Variants in CCNH observed in about 807,000 individuals in gnomAD.
CCNH encodes the protein cyclin-H.
Under a neutral mutation model 41.9 loss-of-function variants are expected in CCNH, and 31 were observed. That is an observed-to-expected ratio of 0.74 (90% confidence interval 0.56 to 1.00). The LOEUF is 1.00. Ranked by LOEUF, CCNH falls within the 50% of genes least tolerant of loss-of-function variation. The pLI is 0.00. For missense variants in CCNH, 362 were observed against 388.4 expected (o/e 0.93, Z 0.57); for synonymous variants, 138 against 136.1 (o/e 1.01, Z -0.10).
At chr5:87,379,843 C>T (rs760491651), upstream of CCNH, 3 of 1,612,336 alleles carry the variant, frequency 1.9e-6, no homozygotes, top group Non-Finnish European at 2.5e-6. Flanking sequence ...TTCAGAAATA[C>T]TTCCACCGTA....
At chr5:87,403,933 G>C (rs191191794) in intron 5 of CCNH, among the ~76,000 whole-genome samples, 1 of 152,272 alleles carries the variant, frequency 6.6e-6, no homozygotes, top group African/African-American at 2.4e-5. Context: ...GTACATAGAA[G>C]GTATCTAATA....
At chr5:87,393,077 AAAAAAAAAACCCAC>A (rs1561338769), downstream of CCNH, among the ~76,000 whole-genome samples, 1 of 151,952 alleles carries the variant, frequency 6.6e-6, no homozygotes. Context: ...GGAATGAGAA[AAAAAAAAAACCCAC>A]AAAACTCAAG....
intron 9 of CCNH, among the ~76,000 whole-genome samples, chr5:87,351,670 T>C (rs1759288567): frequency 6.6e-6 from 1 of 151,948 alleles, no homozygotes; most frequent in Non-Finnish European, 1.5e-5. Flanking sequence ...TAGAAAATTC[T>C]GGTTTATCTC....
At chr5:87,338,501 TTATATATATATATATA>T (rs3069490) in intron 9 of CCNH, among the ~76,000 whole-genome samples, 34 of 75,670 alleles carry the variant, frequency 4.5e-4, no homozygotes, top group African/African-American at 1.6e-3. Flanking sequence ...CCAGCTAATT[TTATATATATATATATA>T]TATATATATA....
downstream of CCNH, chr5:87,389,357 T>G (rs1443981878): frequency 1.2e-6 from 2 of 1,612,814 alleles, no homozygotes; most frequent in Non-Finnish European, 1.7e-6. Flanking sequence ...AAAGAAGATT[T>G]GTATTTCTAA....
chr5:87,362,385 A>C (rs1307529228), intron 9 of CCNH, among the ~76,000 whole-genome samples: 17 of 152,180 alleles, frequency 1.1e-4, no homozygotes, highest in Non-Finnish European at 4.4e-5. Context: ...AATTATAAGG[A>C]AGCATTTCTG....
intron 6 of CCNH, 42 bp from the exon 7 acceptor site, chr5:87,399,547 C>A: frequency 7.7e-7 from 1 of 1,297,382 alleles, no homozygotes. Context: ...AATAAGCAAA[C>A]CTCCTTCTCA....
At chr5:87,372,619 TTAATC>T (rs1192754479), downstream of CCNH, among the ~76,000 whole-genome samples, 2 of 152,176 alleles carry the variant, frequency 1.3e-5, no homozygotes, top group African/African-American at 4.8e-5. Flanking sequence ...TAGGAAATAT[TTAATC>T]TTATTTGAAA....
exon 1 of CCNH, chr5:87,377,079 G>A (rs928584222): frequency 1.3e-6 from 2 of 1,582,890 alleles, no homozygotes; most frequent in African/African-American, 2.7e-5. Context: ...AAGAAACTGG[G>A]TTTAGATTTT....
downstream of CCNH, chr5:87,391,164 A>G (rs1006686225): frequency 5.5e-6 from 3 of 549,832 alleles, no homozygotes; most frequent in Admixed American, 3.2e-5. Context: ...ACGAAATGCT[A>G]TGACTGTATC....
At chr5:87,359,404 A>G (rs1384644308) in intron 9 of CCNH, among the ~76,000 whole-genome samples, 1 of 152,238 alleles carries the variant, frequency 6.6e-6, no homozygotes, top group East Asian at 1.9e-4. Flanking sequence ...CTAGGACTTG[A>G]AAAGTGATGT....
chr5:87,378,633 A>C, upstream of CCNH: 1 of 1,296,320 alleles, frequency 7.7e-7, no homozygotes, highest in South Asian at 1.3e-5. Flanking sequence ...AAATATATTA[A>C]ATTTCTAAAA....
chr5:87,320,039 A>T (rs1333691485), intron 9 of CCNH, among the ~76,000 whole-genome samples: 1 of 152,172 alleles, frequency 6.6e-6, no homozygotes, highest in Non-Finnish European at 1.5e-5. Flanking sequence ...TCAAAGTTCC[A>T]TACATCTCTA....
chr5:87,362,614 AAAAC>A, intron 9 of CCNH: 1 of 1,597,344 alleles, frequency 6.3e-7, no homozygotes, highest in Non-Finnish European at 8.6e-7. Context: ...CATCCGTCGT[AAAAC>A]AAAGGATGCC....
chr5:87,363,797 C>T (rs970207653), intron 9 of CCNH, among the ~76,000 whole-genome samples: 1 of 152,088 alleles, frequency 6.6e-6, no homozygotes, highest in Non-Finnish European at 1.5e-5. Context: ...CACCTTTCCT[C>T]TGATTTTTTC....
intron 9 of CCNH, chr5:87,333,488 C>T (rs1757743239): frequency 1.6e-6 from 2 of 1,283,440 alleles, no homozygotes; most frequent in South Asian, 3.1e-5. Flanking sequence ...GGTCCTGTAT[C>T]TCTGGGTTGG....
At chr5:87,324,243 A>C (rs1035330029) in intron 9 of CCNH, among the ~76,000 whole-genome samples, 1 of 152,204 alleles carries the variant, frequency 6.6e-6, no homozygotes, top group Non-Finnish European at 1.5e-5. Context: ...TGCTGTAGGT[A>C]CTAATACTAG....
intron 9 of CCNH, among the ~76,000 whole-genome samples, chr5:87,351,163 TC>T (rs1759239443): frequency 6.6e-6 from 1 of 151,518 alleles, no homozygotes; most frequent in Admixed American, 6.6e-5. Flanking sequence ...ACTTTAATGT[TC>T]CTATATTCAG....
intron 9 of CCNH, among the ~76,000 whole-genome samples, chr5:87,340,134 A>G (rs542228741): frequency 5.3e-5 from 8 of 152,080 alleles, no homozygotes; most frequent in Non-Finnish European, 8.8e-5. Flanking sequence ...GAATGTTTCT[A>G]TGTTTATAGT....
Sources: allele counts gnomAD v4.1 joint callset (sites outside exome capture counted in the v4.1 genomes callset), GRCh38; gene constraint gnomAD v4.1.1; transcripts MANE v1.5; gene names NCBI Gene and HGNC (gene_info 2026-07-23, HGNC 2026-07-21).